Variants in GALNT17 observed in about 807,000 individuals in gnomAD.
GALNT17 encodes the protein polypeptide N-acetylgalactosaminyltransferase 17.
GALNT17 carries 29 observed loss-of-function variants against 63.7 expected under a neutral mutation model. That is an observed-to-expected ratio of 0.46 (90% CI 0.34 to 0.62). GALNT17 has a LOEUF of 0.62. Among genes scored for constraint, GALNT17 ranks in the 20% least tolerant of loss-of-function variants. The pLI is 0.01. For missense variants in GALNT17, 603 were observed against 799.6 expected (o/e 0.75, Z 2.97); for synonymous variants, 305 against 318.3 (o/e 0.96, Z 0.45).
At chr7:71,255,110 T>C (rs1324311762) in intron 1 of GALNT17, among the ~76,000 whole-genome samples, 1 of 152,190 alleles carries the variant, frequency 6.6e-6, no homozygotes, top group Non-Finnish European at 1.5e-5. Flanking sequence ...TTCAACAAAA[T>C]ATTCAATGAT....
intron 9 of GALNT17, among the ~76,000 whole-genome samples, chr7:71,695,611 G>A (rs1188360539): frequency 6.6e-6 from 1 of 152,162 alleles, no homozygotes; most frequent in African/African-American, 2.4e-5. Flanking sequence ...CCTGTGAAGG[G>A]GCTCTTGAAA....
intron 1 of GALNT17, among the ~76,000 whole-genome samples, chr7:71,191,076 T>C (rs1042189057): frequency 2.0e-5 from 3 of 152,190 alleles, no homozygotes; most frequent in Non-Finnish European, 4.4e-5. Context: ...GTAATTTACA[T>C]ACAGAGTGAA....
intron 5 of GALNT17, among the ~76,000 whole-genome samples, chr7:71,479,243 A>G (rs1278532420): frequency 1.3e-5 from 2 of 151,926 alleles, no homozygotes; most frequent in Non-Finnish European, 2.9e-5. Context: ...GACTCTATGC[A>G]TGATTGACTC....
chr7:71,459,058 A>G (rs919819062), intron 5 of GALNT17, among the ~76,000 whole-genome samples: 2 of 152,088 alleles, frequency 1.3e-5, no homozygotes, highest in African/African-American at 2.4e-5. Flanking sequence ...GAAGTAGTAC[A>G]TGGGCAGAAC....
intron 5 of GALNT17, among the ~76,000 whole-genome samples, chr7:71,432,425 C>T (rs1202874159): frequency 6.6e-6 from 1 of 152,168 alleles, no homozygotes; most frequent in Non-Finnish European, 1.5e-5. Context: ...ACCTCCAGCC[C>T]TTGCCCACCA....
At chr7:71,233,327 G>A (rs1478559853) in intron 1 of GALNT17, among the ~76,000 whole-genome samples, 4 of 152,154 alleles carry the variant, frequency 2.6e-5, no homozygotes, top group South Asian at 2.1e-4. Flanking sequence ...AGAGGATGGC[G>A]AGGGAGCTGG....
chr7:71,198,837 A>G (rs756318799), intron 1 of GALNT17, among the ~76,000 whole-genome samples: 19 of 152,190 alleles, frequency 1.2e-4, no homozygotes, highest in Non-Finnish European at 2.1e-4. Context: ...GTCAAAACTA[A>G]GCACATTCCC....
At chr7:71,186,304 T>TCTA (rs1788850169) in intron 1 of GALNT17, among the ~76,000 whole-genome samples, 1 of 152,206 alleles carries the variant, frequency 6.6e-6, no homozygotes, top group Admixed American at 6.5e-5. Flanking sequence ...ATCTACTTGG[T>TCTA]TCAGAAGCTA....
intron 1 of GALNT17, among the ~76,000 whole-genome samples, chr7:71,235,722 C>T (rs1392398128): frequency 6.6e-6 from 1 of 152,210 alleles, no homozygotes; most frequent in Non-Finnish European, 1.5e-5. Flanking sequence ...TCTATTTAGT[C>T]TAGCCTGTGG....
chr7:71,237,076 G>C (rs1309104046), intron 1 of GALNT17, among the ~76,000 whole-genome samples: 2 of 152,152 alleles, frequency 1.3e-5, no homozygotes, highest in Admixed American at 1.3e-4. Context: ...TTTTTTGGGG[G>C]TCCAGAGAGT....
chr7:71,520,398 C>T (rs1788511606), intron 5 of GALNT17, among the ~76,000 whole-genome samples: 1 of 152,064 alleles, frequency 6.6e-6, no homozygotes, highest in African/African-American at 2.4e-5. Flanking sequence ...TGGTGCAGAC[C>T]TGTAATCCCA....
At chr7:71,666,550 C>T (rs1790988495) in intron 7 of GALNT17, among the ~76,000 whole-genome samples, 1 of 151,688 alleles carries the variant, frequency 6.6e-6, no homozygotes. Context: ...TTATCCCTCG[C>T]CCCCCTCCCA....
chr7:71,621,436 A>G (rs993189476), intron 6 of GALNT17, among the ~76,000 whole-genome samples: 27 of 152,000 alleles, frequency 1.8e-4, no homozygotes, highest in African/African-American at 6.3e-4. Flanking sequence ...AAATATTTGT[A>G]GGAAGGATGG....
At chr7:71,187,233 C>T (rs1369887208) in intron 1 of GALNT17, among the ~76,000 whole-genome samples, 1 of 152,000 alleles carries the variant, frequency 6.6e-6, no homozygotes, top group East Asian at 1.9e-4. Context: ...CTTCAGCCTC[C>T]TGAGTAGCTG....
intron 1 of GALNT17, among the ~76,000 whole-genome samples, chr7:71,215,469 T>G (rs1789460326): frequency 6.6e-6 from 1 of 152,228 alleles, no homozygotes; most frequent in Admixed American, 6.5e-5. Context: ...CTGAATTTCT[T>G]TTTATCTTTA....
chr7:71,434,218 G>A (rs1342178398), intron 5 of GALNT17, among the ~76,000 whole-genome samples: 2 of 152,152 alleles, frequency 1.3e-5, no homozygotes, highest in African/African-American at 2.4e-5. Flanking sequence ...ACTTCACCTT[G>A]TGATCATGTG....
chr7:71,543,012 C>A (rs1489783300), intron 5 of GALNT17, among the ~76,000 whole-genome samples: 1 of 140,888 alleles, frequency 7.1e-6, no homozygotes, highest in Non-Finnish European at 1.5e-5. Flanking sequence ...GCTTGAGTAA[C>A]TTTAGTGTTT....
chr7:71,640,179 TTG>T (rs1229078460), intron 6 of GALNT17, among the ~76,000 whole-genome samples: 1 of 152,214 alleles, frequency 6.6e-6, no homozygotes, highest in Non-Finnish European at 1.5e-5. Flanking sequence ...TATGGTCCCT[TTG>T]CAAGAAAGAA....
intron 1 of GALNT17, among the ~76,000 whole-genome samples, chr7:71,186,245 C>G (rs1405469559): frequency 6.6e-6 from 1 of 152,220 alleles, no homozygotes; most frequent in Non-Finnish European, 1.5e-5. Context: ...TTGCATCCCT[C>G]TCTACTCCCC....
Sources: gnomAD v4.1 joint callset for allele counts (sites outside exome capture counted in the v4.1 genomes callset) on GRCh38, gnomAD v4.1.1 for gene constraint, MANE v1.5 for transcripts, NCBI Gene and HGNC (gene_info 2026-07-23, HGNC 2026-07-21) for gene names.